The following NRXN1 variants were observed in gnomAD, a reference collection of about 807,000 sequenced individuals.
NRXN1 encodes the protein neurexin-1.
Under a neutral mutation model 150.9 loss-of-function variants are expected in NRXN1, and 39 were observed. The observed-to-expected ratio is 0.26, with a 90% CI of 0.20 to 0.34. The LOEUF is 0.34. Ranked by LOEUF, NRXN1 falls within the 10% of genes least tolerant of loss-of-function variation. The probability of loss-of-function intolerance (pLI) is 1.00; values close to 1 mark genes in which losing one functional copy is unlikely to be tolerated. For missense variants in NRXN1, 1,815 were observed against 1,949.9 expected (o/e 0.93, Z 1.30); for synonymous variants, 924 against 757.0 (o/e 1.22, Z -3.62).
At chr2:50,829,720 C>T in intron 5 of NRXN1, 2 of 1,593,998 alleles carry the variant, frequency 1.3e-6, no homozygotes, top group Admixed American at 3.5e-5. Flanking sequence ...AGAGCTCGCC[C>T]ACGGTTGGCA....
At chr2:50,472,251 C>T (rs760737627) in intron 16 of NRXN1, 47 bp downstream of exon 16, 1 of 1,447,888 alleles carries the variant, frequency 6.9e-7, no homozygotes, top group Non-Finnish European at 9.2e-7. Flanking sequence ...CTCAGTTAGA[C>T]AGGTGGAATT....
chr2:50,962,020 C>A (rs1262564571), intron 2 of NRXN1, among the ~76,000 whole-genome samples: 2 of 151,416 alleles, frequency 1.3e-5, no homozygotes, highest in African/African-American at 4.8e-5. Context: ...TATAAGAAAT[C>A]TCAAGCATTT....
chr2:50,168,877 G>A (rs1035615731), intron 18 of NRXN1, among the ~76,000 whole-genome samples: 1 of 152,160 alleles, frequency 6.6e-6, no homozygotes, highest in Non-Finnish European at 1.5e-5. Context: ...CTTATAAAAA[G>A]AATGCTGTAT....
chr2:50,265,287 C>T (rs1273445561), intron 17 of NRXN1, among the ~76,000 whole-genome samples: 2 of 152,068 alleles, frequency 1.3e-5, no homozygotes, highest in Non-Finnish European at 2.9e-5. Context: ...TCTTGAATTC[C>T]CAGAAACAAG....
intron 5 of NRXN1, among the ~76,000 whole-genome samples, chr2:50,694,507 A>C (rs1692537419): frequency 1.3e-5 from 2 of 152,202 alleles, no homozygotes; most frequent in South Asian, 4.1e-4. Flanking sequence ...TATATTTGTT[A>C]GTTGAAATAA....
chr2:51,022,153 G>C (rs1225495858), intron 2 of NRXN1, among the ~76,000 whole-genome samples: 4 of 152,050 alleles, frequency 2.6e-5, no homozygotes, highest in African/African-American at 9.7e-5. Flanking sequence ...AAAGAAAATA[G>C]TGTCGGTGGA....
intron 18 of NRXN1, among the ~76,000 whole-genome samples, chr2:50,099,825 G>C (rs1040162693): frequency 1.3e-5 from 2 of 152,112 alleles, no homozygotes; most frequent in Non-Finnish European, 2.9e-5. Flanking sequence ...TCTATGACTT[G>C]GATCAAGAGA....
chr2:49,933,150 G>A (rs982733048), intron 22 of NRXN1, among the ~76,000 whole-genome samples: 14 of 151,942 alleles, frequency 9.2e-5, no homozygotes, highest in Admixed American at 9.2e-4. Context: ...ACAGTGGCGC[G>A]GTCTCAGCTC....
At chr2:50,895,987 G>C (rs1480001000) in intron 5 of NRXN1, among the ~76,000 whole-genome samples, 1 of 152,008 alleles carries the variant, frequency 6.6e-6, no homozygotes, top group African/African-American at 2.4e-5. Flanking sequence ...TTCAAATTTT[G>C]GACCAAATTA....
intron 17 of NRXN1, among the ~76,000 whole-genome samples, chr2:50,287,877 G>T (rs890345762): frequency 6.6e-6 from 1 of 152,034 alleles, no homozygotes; most frequent in African/African-American, 2.4e-5. Context: ...AACCTAGGAA[G>T]TTTGCTAGCC....
chr2:50,204,847 C>T (rs553563801), intron 18 of NRXN1, among the ~76,000 whole-genome samples: 4 of 152,134 alleles, frequency 2.6e-5, no homozygotes, highest in African/African-American at 4.8e-5. Flanking sequence ...GATTAGTTAT[C>T]ATAAAACAAG....
intron 2 of NRXN1, among the ~76,000 whole-genome samples, chr2:51,018,997 A>G (rs900135750): frequency 6.6e-6 from 1 of 152,124 alleles, no homozygotes; most frequent in African/African-American, 2.4e-5. Flanking sequence ...CATTTTCTTT[A>G]TTATCATGAC....
intron 5 of NRXN1, among the ~76,000 whole-genome samples, chr2:50,755,242 C>G (rs1357692660): frequency 1.3e-5 from 2 of 151,738 alleles, no homozygotes; most frequent in African/African-American, 4.8e-5. Flanking sequence ...AAATCTCAAC[C>G]CCACCGCTTC....
intron 21 of NRXN1, among the ~76,000 whole-genome samples, chr2:49,952,027 A>T (rs1335541483): frequency 6.6e-6 from 1 of 152,038 alleles, no homozygotes; most frequent in Non-Finnish European, 1.5e-5. Context: ...AGAGATCATT[A>T]ATCTAAGCTC....
intron 5 of NRXN1, among the ~76,000 whole-genome samples, chr2:50,859,692 G>T (rs1449035371): frequency 6.6e-6 from 1 of 151,764 alleles, no homozygotes; most frequent in African/African-American, 2.4e-5. Flanking sequence ...TGACTGCAAG[G>T]TGCAACTACA....
At chr2:50,272,616 A>G (rs2152924274) in intron 17 of NRXN1, among the ~76,000 whole-genome samples, 1 of 152,304 alleles carries the variant, frequency 6.6e-6, no homozygotes, top group Non-Finnish European at 1.5e-5. Context: ...TAAAAGCAGG[A>G]AAAAATGGAA....
chr2:50,569,231 C>A (rs1029593545), intron 8 of NRXN1, among the ~76,000 whole-genome samples: 1 of 151,952 alleles, frequency 6.6e-6, no homozygotes, highest in Non-Finnish European at 1.5e-5. Context: ...TTTGATATCA[C>A]AACAGTGTGA....
intron 5 of NRXN1, among the ~76,000 whole-genome samples, chr2:50,840,107 T>G (rs1043614103): frequency 7.2e-5 from 11 of 152,168 alleles, no homozygotes; most frequent in African/African-American, 2.2e-4. Context: ...CTGTAATTCT[T>G]ACTGGAATCT....
At chr2:50,657,609 T>C (rs927088101) in intron 5 of NRXN1, among the ~76,000 whole-genome samples, 1 of 152,046 alleles carries the variant, frequency 6.6e-6, no homozygotes, top group Non-Finnish European at 1.5e-5. Context: ...TGTCAAGTCC[T>C]TTTTCTAGAG....
Sources: gnomAD v4.1 joint callset for allele counts (sites outside exome capture counted in the v4.1 genomes callset) on GRCh38, gnomAD v4.1.1 for gene constraint, MANE v1.5 for transcripts, NCBI Gene and HGNC (gene_info 2026-07-23, HGNC 2026-07-21) for gene names.